The following LRRC7 variants were observed in gnomAD, a reference collection of about 807,000 sequenced individuals.
LRRC7 encodes leucine rich repeat containing 7.
In LRRC7, 23 loss-of-function variants were observed where a neutral mutation model predicts 175.7. The ratio of observed to expected loss-of-function variants is 0.13; its 90% confidence interval spans 0.09 to 0.19. The LOEUF is 0.19. LRRC7 is among the 10% of genes least tolerant of loss of function. The pLI is 1.00. For synonymous variants in LRRC7, 685 were observed against 680.9 expected (o/e 1.01, Z -0.09); for missense variants, 1,354 against 1,904.7 (o/e 0.71, Z 5.38).
At chr1:69,652,141 A>AG (rs1176456408) in intron 1 of LRRC7, among the ~76,000 whole-genome samples, 8 of 152,184 alleles carry the variant, frequency 5.3e-5, no homozygotes, top group African/African-American at 1.9e-4. Context: ...TTACATCTCA[A>AG]GGAACTGTTC....
At chr1:69,986,520 A>T in intron 10 of LRRC7, 134 bp downstream of exon 10, 1 of 624,502 alleles carries the variant, frequency 1.6e-6, no homozygotes, top group South Asian at 4.9e-5. Flanking sequence ...GTGCTATGGA[A>T]ATCATAAAAT....
chr1:69,622,694 G>A (rs539155080), intron 1 of LRRC7, among the ~76,000 whole-genome samples: 13 of 152,208 alleles, frequency 8.5e-5, no homozygotes, highest in South Asian at 2.1e-4. Context: ...GAATTTTTAT[G>A]GGACTCAAGG....
At chr1:69,803,370 T>A (rs78208973) in intron 4 of LRRC7, among the ~76,000 whole-genome samples, 2,056 of 151,494 alleles carry the variant, frequency 0.014, 48 homozygotes, top group African/African-American at 0.047. Context: ...ATAGTAAAAG[T>A]TGTAATTCAT....
At position 69,967,072 on chromosome 1, in the gene LRRC7, G is replaced by A. The variant is rs147296271; in HGVS notation, c.712-13307G>A. Among the ~76,000 whole-genome samples, 446 of 152,232 alleles carry A rather than the reference G, an allele frequency of 2.9e-3. 1 individual carries two copies. The highest frequency in any genetic ancestry group is 9.6e-3 in the African/African-American group (400 of 41,532). ...CTGGGGCAAGTTCTCAGCCCTGCTC[G>A]CCCACTGCCTGGAAACAGACTCTGT... On this transcript the variant is annotated intron_variant, in intron 8 of 26. Transcript: ENST00000651989.
At chr1:69,946,800 A>G (rs1649365721) in intron 8 of LRRC7, among the ~76,000 whole-genome samples, 1 of 152,036 alleles carries the variant, frequency 6.6e-6, no homozygotes, top group African/African-American at 2.4e-5. Flanking sequence ...TGAGTAGGCC[A>G]GGCGCAGTGG....
At chr1:70,060,347 T>C (rs992974413) in intron 23 of LRRC7, among the ~76,000 whole-genome samples, 1 of 151,966 alleles carries the variant, frequency 6.6e-6, no homozygotes, top group Non-Finnish European at 1.5e-5. Flanking sequence ...AAAAAATCAT[T>C]AAATTACAGT....
intron 1 of LRRC7, among the ~76,000 whole-genome samples, chr1:69,650,664 G>C (rs1385265503): frequency 6.6e-6 from 1 of 151,838 alleles, no homozygotes; most frequent in Admixed American, 6.6e-5. Context: ...GTCTGTGTTT[G>C]ATACACACGT....
intron 1 of LRRC7, among the ~76,000 whole-genome samples, chr1:69,598,668 T>A (rs1646935687): frequency 6.6e-6 from 1 of 152,182 alleles, no homozygotes; most frequent in African/African-American, 2.4e-5. Flanking sequence ...CACAGAATAA[T>A]GTTTGACCAA....
At chr1:69,880,418 T>C (rs1686481667) in intron 7 of LRRC7, among the ~76,000 whole-genome samples, 1 of 152,130 alleles carries the variant, frequency 6.6e-6, no homozygotes, top group South Asian at 2.1e-4. Context: ...GAGACTTCTT[T>C]GGGTAGGAGA....
intron 16 of LRRC7, among the ~76,000 whole-genome samples, 171 bp from the exon 17 acceptor site, chr1:70,022,955 A>G (rs1657666971): frequency 6.6e-6 from 1 of 152,226 alleles, no homozygotes; most frequent in Admixed American, 6.5e-5. Flanking sequence ...ACCCTTTAGC[A>G]TCATATAAAA....
rs1011716047 is a variant in LRRC7, at chr1:70,139,675, A to G, written c.*17788A>G. ...CAGGGTGACCTTCCTACATCTCCTT[A>G]GAGCAACTGCATTTCAAAATAGGCC... is the stretch of plus-strand genomic sequence containing the variant. On this transcript the variant is annotated 3_prime_UTR_variant, in exon 27 of 27. Coordinates refer to ENST00000651989, the MANE Select transcript of LRRC7 (RefSeq NM_001370785.2). 3 of 152,170 alleles carry G rather than the reference A, an allele frequency of 2.0e-5. No individual in the cohort carries two copies. Among genetic ancestry groups the G allele is most frequent in the African/African-American group, 4.8e-5 (2 of 41,448 alleles). 9.4% of individuals were successfully genotyped at this position (152,170 alleles called of 1,614,324 possible).
chr1:69,732,109 A>C (rs1232179716), intron 2 of LRRC7, among the ~76,000 whole-genome samples: 1 of 152,150 alleles, frequency 6.6e-6, no homozygotes, highest in Admixed American at 6.5e-5. Context: ...TCGATTAAAA[A>C]AAGTATTACA....
At chr1:70,036,671 C>G (rs771918143) in intron 20 of LRRC7, 47 bp downstream of exon 20, 1 of 1,537,470 alleles carries the variant, frequency 6.5e-7, no homozygotes, top group Non-Finnish European at 8.8e-7. Flanking sequence ...TTATTTTCAG[C>G]AACTTTTTAA....
intron 21 of LRRC7, among the ~76,000 whole-genome samples, chr1:70,041,686 A>G (rs186096369): frequency 6.6e-5 from 10 of 152,364 alleles, no homozygotes; most frequent in African/African-American, 2.2e-4. Flanking sequence ...TACAATGACT[A>G]GTAATTTGAG....
intron 3 of LRRC7, among the ~76,000 whole-genome samples, chr1:69,766,259 A>T (rs1671614340): frequency 6.6e-6 from 1 of 152,284 alleles, no homozygotes; most frequent in Middle Eastern, 3.4e-3. Flanking sequence ...GGAATGCAAC[A>T]TCCCAACTGA....
Position 69,883,432 on chromosome 1 carries a change from A to G in LRRC7, c.647+45149A>G, listed in dbSNP as rs986424444. Among the ~76,000 whole-genome samples, 11 of 112,672 alleles carry G rather than the reference A, an allele frequency of 9.8e-5. 2 individuals are homozygous for G. Among genetic ancestry groups the G allele is most frequent in the Admixed American group, 5.4e-4 (6 of 11,052 alleles). The allele number at this position is 112,672 out of a possible 152,430, so 73.9% of individuals were successfully genotyped here. On this transcript the variant is annotated intron_variant, in intron 7 of 26. Transcript: ENST00000651989. ...GTCTTCTTTTGAGAAGTGTCTGTTC[A>G]TGTCCTTCACCCACTTTTTGATGGG...
chr1:70,120,448 C>T (rs2102242877), intron 26 of LRRC7, among the ~76,000 whole-genome samples: 1 of 152,016 alleles, frequency 6.6e-6, no homozygotes, highest in Non-Finnish European at 1.5e-5. Flanking sequence ...TTTACTACAT[C>T]ATTAGTCAAT....
chr1:70,016,589 T>G, intron 14 of LRRC7, 55 bp downstream of exon 14: 1 of 1,347,946 alleles, frequency 7.4e-7, no homozygotes, highest in East Asian at 2.5e-5. Context: ...ATTGAAAGTT[T>G]GAATTACTAA....
rs1054950557 is a variant in LRRC7, at chr1:70,130,330, C to G, written c.*8443C>G. On this transcript the variant is annotated 3_prime_UTR_variant, in exon 27 of 27. Transcript: ENST00000651989. ...TAGTGTCAGAAACATAGTATAGGTTCTCAATAAATATTTGTGTAATTATTA... is the reference window on the plus strand; with the variant it reads ...TAGTGTCAGAAACATAGTATAGGTTGTCAATAAATATTTGTGTAATTATTA... 1 of 152,186 alleles carries G rather than the reference C, an allele frequency of 6.6e-6. No individual in the cohort carries two copies. Among genetic ancestry groups the G allele is most frequent in the African/African-American group, 2.4e-5 (1 of 41,422 alleles). 9.4% of individuals were successfully genotyped at this position (152,186 alleles called of 1,614,324 possible).
Sources: allele counts gnomAD v4.1 joint callset (sites outside exome capture counted in the v4.1 genomes callset), GRCh38; gene constraint gnomAD v4.1.1; transcripts MANE v1.5; gene names NCBI Gene and HGNC (gene_info 2026-07-23, HGNC 2026-07-21).